The following WDR41 variants were observed in gnomAD, a reference collection of about 807,000 sequenced individuals.
The protein encoded by WDR41 is WD repeat domain 41.
Under a neutral mutation model 69.3 loss-of-function variants are expected in WDR41, and 63 were observed. That is an observed-to-expected ratio of 0.91 (90% CI 0.74 to 1.12). WDR41 has a LOEUF of 1.12. Among genes scored for constraint, WDR41 ranks in the 50% most tolerant of loss-of-function variants. The pLI is 0.00. For synonymous variants in WDR41, 185 were observed against 192.1 expected (o/e 0.96, Z 0.31); for missense variants, 543 against 534.5 (o/e 1.02, Z -0.16).
At chr5:77,479,198 C>T (rs1447328873) in intron 2 of WDR41, among the ~76,000 whole-genome samples, 2 of 151,822 alleles carry the variant, frequency 1.3e-5, no homozygotes, top group Non-Finnish European at 2.9e-5. Flanking sequence ...GAAGAACATT[C>T]CATGCTCATG....
intron 1 of WDR41, among the ~76,000 whole-genome samples, chr5:77,523,487 G>A (rs998282731): frequency 3.3e-5 from 5 of 151,890 alleles, no homozygotes; most frequent in African/African-American, 1.2e-4. Flanking sequence ...GCTTGTTACT[G>A]TTATTCCTAC....
At chr5:77,438,383 T>A in intron 9 of WDR41, 22 bp from the exon 10 acceptor site, 2 of 1,613,206 alleles carry the variant, frequency 1.2e-6, no homozygotes, top group Non-Finnish European at 1.7e-6. Context: ...AGTTCAGAAA[T>A]GGGCATAAAA....
chr5:77,612,268 G>C (rs1163962244), intron 1 of WDR41, among the ~76,000 whole-genome samples: 1 of 152,200 alleles, frequency 6.6e-6, no homozygotes, highest in South Asian at 2.1e-4. Flanking sequence ...TAGAAAAAGA[G>C]GGAATCCTTC....
intron 1 of WDR41, among the ~76,000 whole-genome samples, chr5:77,608,255 T>C (rs753117764): frequency 5.3e-5 from 8 of 152,222 alleles, no homozygotes; most frequent in Non-Finnish European, 1.0e-4. Flanking sequence ...AGAATTTCCT[T>C]CTTTTTAAGG....
intron 4 of WDR41, among the ~76,000 whole-genome samples, chr5:77,461,721 C>G (rs1238697090): frequency 6.6e-6 from 1 of 151,982 alleles, no homozygotes; most frequent in Non-Finnish European, 1.5e-5. Context: ...GCCTGTAGTC[C>G]CAGCTACTTG....
intron 1 of WDR41, among the ~76,000 whole-genome samples, chr5:77,610,593 A>G (rs1461803054): frequency 6.6e-6 from 1 of 151,882 alleles, no homozygotes; most frequent in East Asian, 1.9e-4. Flanking sequence ...TACTTTACAG[A>G]CAAGCAAATG....
At chr5:77,545,666 G>A (rs1743179889) in intron 1 of WDR41, 2 of 427,620 alleles carry the variant, frequency 4.7e-6, no homozygotes, top group Non-Finnish European at 8.3e-6. Flanking sequence ...TTTTTCCTGG[G>A]GGCCTCTCTC....
At chr5:77,538,033 C>G (rs148788828) in intron 1 of WDR41, among the ~76,000 whole-genome samples, 2 of 151,880 alleles carry the variant, frequency 1.3e-5, no homozygotes, top group African/African-American at 4.8e-5. Context: ...AGGGTATCCA[C>G]CACCCAAATA....
chr5:77,475,787 G>A lies in WDR41; in HGVS notation c.168-10978C>T, dbSNP rs1183683680. Among the ~76,000 whole-genome samples the A allele has an allele frequency of 5.3e-5, 8 of 152,178 alleles. 1 individual carries two copies. Among genetic ancestry groups the A allele is most frequent in the African/African-American group, 1.9e-4 (8 of 41,430 alleles). ...GCCTCTCCTCCTCCAAAGGAACGCA[G>A]TTCCTCACCAGCAACGGAACAAAGC... On this transcript the variant is annotated intron_variant, in intron 2 of 12. Transcript: ENST00000296679.
At chr5:77,600,731 T>G (rs1042116971) in intron 1 of WDR41, among the ~76,000 whole-genome samples, 12 of 151,998 alleles carry the variant, frequency 7.9e-5, no homozygotes, top group African/African-American at 2.4e-4. Flanking sequence ...AATATGAAAA[T>G]TAGCCGGGGG....
At chr5:77,552,131 A>G (rs551582379) in intron 1 of WDR41, among the ~76,000 whole-genome samples, 1 of 151,238 alleles carries the variant, frequency 6.6e-6, no homozygotes, top group South Asian at 2.1e-4. Flanking sequence ...GAGGACAAGA[A>G]AGACCATAGA....
chr5:77,553,950 G>A (rs916940837), intron 1 of WDR41, among the ~76,000 whole-genome samples: 1 of 152,188 alleles, frequency 6.6e-6, no homozygotes, highest in Non-Finnish European at 1.5e-5. Flanking sequence ...ATTTATGCCA[G>A]AGGAATGAAA....
intron 1 of WDR41, among the ~76,000 whole-genome samples, chr5:77,607,801 A>G (rs567863393): frequency 4.6e-5 from 7 of 152,354 alleles, no homozygotes; most frequent in African/African-American, 1.7e-4. Context: ...AGTGGATTTT[A>G]AAATACTTTT....
chr5:77,533,740 T>C (rs1036363013), intron 1 of WDR41, among the ~76,000 whole-genome samples: 2 of 152,150 alleles, frequency 1.3e-5, no homozygotes, highest in Non-Finnish European at 2.9e-5. Context: ...AATATACTAA[T>C]ATTGTTATTG....
intron 1 of WDR41, among the ~76,000 whole-genome samples, chr5:77,520,085 G>A (rs1581783705): frequency 1.3e-5 from 2 of 152,092 alleles, no homozygotes; most frequent in South Asian, 4.1e-4. Flanking sequence ...ACATTCAGAT[G>A]AGAATGCCAC....
intron 1 of WDR41, among the ~76,000 whole-genome samples, chr5:77,608,485 T>A (rs554880390): frequency 2.6e-5 from 4 of 152,188 alleles, no homozygotes; most frequent in Non-Finnish European, 4.4e-5. Context: ...CATGTAGATA[T>A]TTAAATTTAA....
chr5:77,472,620 T>A (rs1290084088), intron 2 of WDR41, among the ~76,000 whole-genome samples: 6 of 152,154 alleles, frequency 3.9e-5, no homozygotes, highest in Non-Finnish European at 8.8e-5. Flanking sequence ...AGCATTCTTT[T>A]ACACCAATAA....
chr5:77,619,683 A>G lies in WDR41; in HGVS notation c.42+796T>C, dbSNP rs557298634. On this transcript the variant is annotated intron_variant, in intron 1 of 5. Coordinates refer to the WDR41 transcript ENST00000509971. ...ACTCAGGGCAGGATATTACACAGTA[A>G]GAATGAACCCTGGGAATTTTAAAGC... Among the ~76,000 whole-genome samples, 9 of 152,370 alleles carry G rather than the reference A, an allele frequency of 5.9e-5. No individual in the cohort carries two copies. The East Asian group carries it at 1.7e-3, about 29-fold the overall frequency.
At chr5:77,470,751 A>G (rs1338517840) in intron 2 of WDR41, among the ~76,000 whole-genome samples, 1 of 152,226 alleles carries the variant, frequency 6.6e-6, no homozygotes, top group Non-Finnish European at 1.5e-5. Context: ...ATATGCACCC[A>G]ATACAGGAGC....
Sources: allele counts gnomAD v4.1 joint callset (sites outside exome capture counted in the v4.1 genomes callset), GRCh38; gene constraint gnomAD v4.1.1; transcripts MANE v1.5; gene names NCBI Gene and HGNC (gene_info 2026-07-23, HGNC 2026-07-21).